Variants in MKLN1 observed in about 807,000 individuals in gnomAD.
The protein encoded by MKLN1 is muskelin 1.
In MKLN1, 18 loss-of-function variants were observed where a neutral mutation model predicts 99.0. The observed-to-expected ratio is 0.18, with a 90% CI of 0.13 to 0.27. MKLN1 has a LOEUF of 0.27. Ranked by LOEUF, MKLN1 falls within the 10% of genes least tolerant of loss-of-function variation. The probability of loss-of-function intolerance (pLI) is 1.00; values close to 1 mark genes in which losing one functional copy is unlikely to be tolerated. For synonymous variants in MKLN1, 288 were observed against 293.2 expected (o/e 0.98, Z 0.18); for missense variants, 621 against 875.9 (o/e 0.71, Z 3.67).
At position 131,399,264 on chromosome 7, in the gene MKLN1, C is replaced by T. The variant is rs1794456083; in HGVS notation, c.534C>T (p.Arg178=). The T allele has an allele frequency of 6.2e-7, 1 of 1,613,838 alleles. No individual in the cohort carries two copies. Among genetic ancestry groups the T allele is most frequent in the Admixed American group, 1.7e-5 (1 of 59,994 alleles). The part of the protein sequence containing the change: ...YSKYREQEAI[R]LCLKHFRQHN... ...AGTACCGTGAACAGGAAGCTATTCG[C>T]CTTTGCCTAAAACACTTCAGACAAC... The change falls in exon 6 of 18, where the codon CGC becomes CGT. Residue 178 remains arginine, a synonymous_variant. Transcript: ENST00000352689.
intron 3 of MKLN1, among the ~76,000 whole-genome samples, chr7:131,245,519 C>G (rs976349239): frequency 6.6e-6 from 1 of 152,138 alleles, no homozygotes. Flanking sequence ...CCGCGCCCCC[C>G]GCCCCCGGCC....
intron 1 of MKLN1, among the ~76,000 whole-genome samples, chr7:131,132,947 A>AGAAAGAAAGAAAGAAAGAAAG (rs1182285897): frequency 4.6e-4 from 26 of 56,602 alleles, no homozygotes; most frequent in East Asian, 1.4e-3. Context: ...AAAAAAAAAA[A>AGAAAGAAAGAAAGAAAGAAAG]AAAGAAAGAA....
chr7:131,235,538 C>G (rs886876069), intron 3 of MKLN1, among the ~76,000 whole-genome samples: 4 of 152,156 alleles, frequency 2.6e-5, no homozygotes, highest in African/African-American at 7.2e-5. Context: ...CCATCACACT[C>G]TCTTCAGCCT....
At chr7:131,166,203 G>A (rs1157962050) in intron 2 of MKLN1, among the ~76,000 whole-genome samples, 1 of 152,166 alleles carries the variant, frequency 6.6e-6, no homozygotes, top group African/African-American at 2.4e-5. Flanking sequence ...GACAGAGCTT[G>A]GCGACAATTG....
At chr7:131,485,223 A>T (rs1014190204) in intron 17 of MKLN1, among the ~76,000 whole-genome samples, 1 of 152,140 alleles carries the variant, frequency 6.6e-6, no homozygotes, top group African/African-American at 2.4e-5. Flanking sequence ...CAAATCTAGG[A>T]CAATATGAGT....
intron 1 of MKLN1, among the ~76,000 whole-genome samples, chr7:131,365,270 CTG>C (rs1418954181): frequency 1.3e-5 from 2 of 152,150 alleles, no homozygotes; most frequent in African/African-American, 4.8e-5. Context: ...TCAAAAGTGT[CTG>C]TTCATATCCT....
chr7:131,478,673 T>C lies in MKLN1; in HGVS notation c.2082T>C (p.Ala694=). 1 of 1,601,744 alleles carries C rather than the reference T, an allele frequency of 6.2e-7. No homozygotes were observed. The highest frequency in any genetic ancestry group is 8.5e-7 in the Non-Finnish European group (1 of 1,176,190). The change falls in exon 17 of 18, where the codon GCT becomes GCC. Residue 694 remains alanine (A), a synonymous_variant. Transcript: ENST00000352689. ...ALFKSGSDFT[A]LGFSDVDHTY... is the part of the protein sequence containing the mutation. Reference sequence around the variant, plus strand: ...TCAAATCTGGTTCAGATTTTACAGCTCTGGGTAAGTATTGCAGTATAATTT... The same window carrying C: ...TCAAATCTGGTTCAGATTTTACAGCCCTGGGTAAGTATTGCAGTATAATTT...
chr7:131,255,432 A>G (rs908920805), intron 3 of MKLN1, among the ~76,000 whole-genome samples: 3 of 152,276 alleles, frequency 2.0e-5, no homozygotes, highest in African/African-American at 7.2e-5. Context: ...CATACAATGT[A>G]TAAGGAAATT....
intron 1 of MKLN1, among the ~76,000 whole-genome samples, chr7:131,140,842 C>T (rs1213423803): frequency 6.6e-6 from 1 of 151,796 alleles, no homozygotes; most frequent in African/African-American, 2.4e-5. Flanking sequence ...GGCAGTGGCA[C>T]GATCTTGGCT....
intron 1 of MKLN1, among the ~76,000 whole-genome samples, chr7:131,362,487 G>A (rs1334606407): frequency 4.6e-5 from 7 of 152,022 alleles, no homozygotes. Context: ...GTTTGTACTA[G>A]GAATATTGAG....
chr7:131,479,552 C>T (rs1006990025), intron 17 of MKLN1, among the ~76,000 whole-genome samples: 14 of 149,958 alleles, frequency 9.3e-5, no homozygotes, highest in South Asian at 2.1e-4. Flanking sequence ...ATAGGCCGGG[C>T]GTGGTGGCTC....
chr7:131,462,255 C>CATGG (rs1461824151), intron 12 of MKLN1, among the ~76,000 whole-genome samples: 6 of 152,106 alleles, frequency 3.9e-5, no homozygotes, highest in African/African-American at 1.4e-4. Context: ...GTCTTGAGGT[C>CATGG]ATGGCCTCAT....
intron 1 of MKLN1, among the ~76,000 whole-genome samples, chr7:131,360,190 A>T (rs1256776493): frequency 1.3e-5 from 2 of 151,980 alleles, no homozygotes; most frequent in Non-Finnish European, 2.9e-5. Context: ...TTGTATCTTT[A>T]TGGGGGTTTC....
chr7:131,397,239 T>G, intron 4 of MKLN1, 28 bp from the exon 5 acceptor site: 1 of 1,395,600 alleles, frequency 7.2e-7, no homozygotes, highest in Non-Finnish European at 1.0e-6. Flanking sequence ...AATATTTTTC[T>G]TCTTCTTTTT....
chr7:131,133,976 C>A (rs764053852), intron 1 of MKLN1, among the ~76,000 whole-genome samples: 1 of 151,538 alleles, frequency 6.6e-6, no homozygotes, highest in Non-Finnish European at 1.5e-5. Flanking sequence ...ATTACAGGCG[C>A]CTGCCACCAA....
intron 4 of MKLN1, among the ~76,000 whole-genome samples, chr7:131,394,834 G>C (rs539959344): frequency 6.6e-6 from 1 of 152,110 alleles, no homozygotes; most frequent in South Asian, 2.1e-4. Flanking sequence ...CAGTGAATCT[G>C]TTGTTACATT....
At chr7:131,172,963 T>C (rs1018114531) in intron 2 of MKLN1, among the ~76,000 whole-genome samples, 8 of 152,180 alleles carry the variant, frequency 5.3e-5, no homozygotes, top group African/African-American at 1.9e-4. Context: ...TTTGTAGAAG[T>C]TGATTAAAAA....
intron 3 of MKLN1, among the ~76,000 whole-genome samples, chr7:131,231,820 T>C (rs1238128419): frequency 1.3e-5 from 2 of 152,030 alleles, no homozygotes; most frequent in African/African-American, 4.8e-5. Context: ...CAAAACAAAA[T>C]GAAACAGAGA....
chr7:131,157,593 GTCA>G (rs1484641654), intron 2 of MKLN1, among the ~76,000 whole-genome samples: 2 of 152,142 alleles, frequency 1.3e-5, no homozygotes, highest in Non-Finnish European at 2.9e-5. Context: ...ATCAGCTATG[GTCA>G]TCATTATTAG....
Sources: allele counts gnomAD v4.1 joint callset (sites outside exome capture counted in the v4.1 genomes callset), GRCh38; gene constraint gnomAD v4.1.1; transcripts MANE v1.5; gene names NCBI Gene and HGNC (gene_info 2026-07-23, HGNC 2026-07-21).